NR5A2: variants seen among roughly 807,000 people sequenced by gnomAD.
NR5A2 encodes the protein nuclear receptor subfamily 5 group A member 2.
NR5A2 carries 26 observed loss-of-function variants against 62.7 expected under a neutral mutation model. That is an observed-to-expected ratio of 0.41 (90% CI 0.30 to 0.58). The LOEUF (loss-of-function observed/expected upper bound fraction) is 0.58, where lower values mean the gene tolerates loss of function less well. NR5A2 is among the 20% of genes least tolerant of loss of function. NR5A2 has a pLI of 0.22. For missense variants in NR5A2, 541 were observed against 669.1 expected (o/e 0.81, Z 2.11); for synonymous variants, 246 against 241.7 (o/e 1.02, Z -0.16).
At chr1:200,029,117 G>A in intron 1 of NR5A2, 1 of 442,270 alleles carries the variant, frequency 2.3e-6, no homozygotes, top group Non-Finnish European at 4.5e-6. Context: ...GAACCGCCGC[G>A]GTGCGCAGGC....
At chr1:200,121,069 G>T in intron 7 of NR5A2, 114 bp downstream of exon 7, 1 of 1,073,824 alleles carries the variant, frequency 9.3e-7, no homozygotes, top group East Asian at 2.5e-5. Flanking sequence ...TGCCCTTCCT[G>T]TCAAATTATG....
intron 7 of NR5A2, among the ~76,000 whole-genome samples, chr1:200,132,820 G>A (rs535491875): frequency 6.6e-6 from 1 of 152,188 alleles, no homozygotes; most frequent in Non-Finnish European, 1.5e-5. Flanking sequence ...GCCTTAGCAA[G>A]GGGCACTGTC....
rs577588531 is a variant in NR5A2, at chr1:200,078,687, G to A, written c.1110+29869G>A. ...CTAATATGATCTGGAGAATGTCTTG[G>A]ACTTCTTTAAAGTAACTTCATGCAT... is the stretch of plus-strand genomic sequence containing the variant. On this transcript the variant is annotated intron_variant, in intron 5 of 7. Coordinates refer to ENST00000367362, the MANE Select transcript of NR5A2 (RefSeq NM_205860.3). 3.3e-5 allele frequency among the ~76,000 whole-genome samples: 5 copies of A among 152,072 alleles called. No individual in the cohort carries two copies. In the South Asian group the frequency reaches 1.0e-3, roughly 32 times the overall value.
intron 6 of NR5A2, among the ~76,000 whole-genome samples, chr1:200,118,019 C>CTTTTTT (rs397982581): frequency 8.5e-6 from 1 of 117,348 alleles, no homozygotes; most frequent in Non-Finnish European, 1.7e-5. Context: ...TCGCCTTTTT[C>CTTTTTT]TTTTTTTTTT....
intron 1 of NR5A2, among the ~76,000 whole-genome samples, chr1:200,034,930 C>T (rs769055199): frequency 6.6e-6 from 1 of 151,322 alleles, no homozygotes; most frequent in Non-Finnish European, 1.5e-5. Flanking sequence ...GTTTCTAATA[C>T]AAAGCGCTCG....
intron 7 of NR5A2, among the ~76,000 whole-genome samples, chr1:200,141,617 G>A (rs1667445793): frequency 6.6e-6 from 1 of 152,094 alleles, no homozygotes; most frequent in South Asian, 2.1e-4. Flanking sequence ...ATTTCTCTTG[G>A]ATAAATGCCC....
intron 7 of NR5A2, among the ~76,000 whole-genome samples, chr1:200,121,211 A>G (rs1281406025): frequency 6.6e-6 from 1 of 152,202 alleles, no homozygotes; most frequent in Non-Finnish European, 1.5e-5. Context: ...TTCTTCCATA[A>G]TATACAGATA....
intron 7 of NR5A2, among the ~76,000 whole-genome samples, chr1:200,159,900 G>A (rs933729199): frequency 5.3e-5 from 8 of 152,190 alleles, no homozygotes; most frequent in Non-Finnish European, 8.8e-5. Flanking sequence ...TAATCCTCCC[G>A]CCTCAGCCTC....
At chr1:200,055,218 G>T (rs959751799) in intron 5 of NR5A2, among the ~76,000 whole-genome samples, 3 of 144,378 alleles carry the variant, frequency 2.1e-5, no homozygotes. Flanking sequence ...TTTTTGTGAC[G>T]GAGTTTCACT....
chr1:200,120,521 T>C (rs1018327334), intron 6 of NR5A2, among the ~76,000 whole-genome samples: 1 of 152,210 alleles, frequency 6.6e-6, no homozygotes, highest in South Asian at 2.1e-4. Context: ...AATCATGGAA[T>C]GTGCCTCAAA....
chr1:200,028,467 G>A (rs2102128307), intron 1 of NR5A2, among the ~76,000 whole-genome samples: 1 of 147,310 alleles, frequency 6.8e-6, no homozygotes, highest in South Asian at 2.1e-4. Flanking sequence ...ACCATCATTA[G>A]TAAAGGATTT....
intron 5 of NR5A2, among the ~76,000 whole-genome samples, chr1:200,062,253 G>GTGTGTGTATC (rs1663261644): frequency 6.6e-6 from 1 of 151,956 alleles, no homozygotes; most frequent in Admixed American, 6.6e-5. Context: ...GTGTGTGTGT[G>GTGTGTGTATC]TGTGTATCTG....
intron 5 of NR5A2, among the ~76,000 whole-genome samples, chr1:200,087,266 A>C (rs955346475): frequency 8.4e-5 from 12 of 143,264 alleles, no homozygotes; most frequent in Admixed American, 4.9e-4. Flanking sequence ...ACACACACAC[A>C]CCCTTCCTCT....
At chr1:200,101,406 T>G (rs1375773603) in intron 5 of NR5A2, among the ~76,000 whole-genome samples, 1 of 152,156 alleles carries the variant, frequency 6.6e-6, no homozygotes, top group Non-Finnish European at 1.5e-5. Context: ...TGTCAAAAAA[T>G]CAGGGGCTAG....
chr1:200,073,797 C>G (rs1663869573), intron 5 of NR5A2, among the ~76,000 whole-genome samples: 1 of 152,162 alleles, frequency 6.6e-6, no homozygotes, highest in Non-Finnish European at 1.5e-5. Context: ...ATATGCCAGG[C>G]ACATTGCTAA....
At chr1:200,077,741 C>T (rs1664107072) in intron 5 of NR5A2, among the ~76,000 whole-genome samples, 1 of 151,838 alleles carries the variant, frequency 6.6e-6, no homozygotes, top group South Asian at 2.1e-4. Flanking sequence ...AACAAACTGG[C>T]AATTAATTTT....
At chr1:200,075,992 C>G (rs1664016701) in intron 5 of NR5A2, among the ~76,000 whole-genome samples, 1 of 151,576 alleles carries the variant, frequency 6.6e-6, no homozygotes, top group African/African-American at 2.4e-5. Context: ...AGAAGCTAAA[C>G]TCAATAACAT....
chr1:200,160,169 A>C (rs1489909245), intron 7 of NR5A2, among the ~76,000 whole-genome samples: 4 of 152,220 alleles, frequency 2.6e-5, no homozygotes, highest in Non-Finnish European at 5.9e-5. Context: ...AGCAATCCCA[A>C]CTGCACTGTG....
At chr1:200,047,822 C>G (rs1349445611) in intron 4 of NR5A2, among the ~76,000 whole-genome samples, 1 of 152,124 alleles carries the variant, frequency 6.6e-6, no homozygotes, top group Non-Finnish European at 1.5e-5. Context: ...AGGTGATCCA[C>G]CCGCCTTGGC....
Sources: allele counts gnomAD v4.1 joint callset (sites outside exome capture counted in the v4.1 genomes callset), GRCh38; gene constraint gnomAD v4.1.1; transcripts MANE v1.5; gene names NCBI Gene and HGNC (gene_info 2026-07-23, HGNC 2026-07-21).